M6PR: variants seen among roughly 807,000 people sequenced by gnomAD.
M6PR encodes the protein mannose-6-phosphate receptor, cation dependent, also known as cation-dependent mannose-6-phosphate receptor.
Under a neutral mutation model 33.1 loss-of-function variants are expected in M6PR, and 19 were observed. The observed-to-expected ratio is 0.57, with a 90% CI of 0.40 to 0.84. The LOEUF is 0.84. Among genes scored for constraint, M6PR ranks in the 40% least tolerant of loss-of-function variants. The probability of loss-of-function intolerance (pLI) is 0.00; values close to 1 mark genes in which losing one functional copy is unlikely to be tolerated. For synonymous variants in M6PR, 111 were observed against 123.4 expected (o/e 0.90, Z 0.67); for missense variants, 295 against 336.0 (o/e 0.88, Z 0.95).
intron 1 of M6PR, among the ~76,000 whole-genome samples, chr12:8,948,458 G>A (rs1946136153): frequency 6.6e-6 from 1 of 152,162 alleles, no homozygotes; most frequent in Non-Finnish European, 1.5e-5. Flanking sequence ...CAATTTAGAC[G>A]ATTCGTGGCA....
At chr12:8,945,628 A>G in intron 2 of M6PR, 44 bp from the exon 3 acceptor site, 1 of 1,553,136 alleles carries the variant, frequency 6.4e-7, no homozygotes, top group Non-Finnish European at 8.8e-7. Flanking sequence ...GTTACTAGCT[A>G]TCAGCCTCAG....
At chr12:8,947,143 T>C (rs1946105713) in intron 1 of M6PR, among the ~76,000 whole-genome samples, 1 of 152,236 alleles carries the variant, frequency 6.6e-6, no homozygotes, top group Non-Finnish European at 1.5e-5. Flanking sequence ...GACAATTTCC[T>C]GATTTAACTC....
intron 2 of M6PR, 92 bp from the exon 3 acceptor site, chr12:8,945,676 A>C: frequency 1.0e-6 from 1 of 977,838 alleles, no homozygotes; most frequent in Non-Finnish European, 1.5e-6. Flanking sequence ...AAACAAAACA[A>C]ACAACATGCT....
chr12:8,942,169 CAGATTT>C (rs1188072590), intron 6 of M6PR: 1 of 689,000 alleles, frequency 1.5e-6, no homozygotes, highest in East Asian at 2.7e-5. Flanking sequence ...AAAGCTAAAT[CAGATTT>C]AGAAGAGCCC....
chr12:8,945,215 T>A, intron 3 of M6PR: 1 of 512,710 alleles, frequency 2.0e-6, no homozygotes, highest in South Asian at 2.9e-5. Context: ...TTTTCACTGA[T>A]TTTAATGCAC....
intron 6 of M6PR, 129 bp from the exon 7 acceptor site, chr12:8,942,069 T>G: frequency 9.5e-7 from 1 of 1,056,556 alleles, no homozygotes; most frequent in Middle Eastern, 2.1e-4. Flanking sequence ...ACCTAAAAGA[T>G]CTGACAATCA....
In M6PR at chr12:8,945,543, T is replaced by C. The variant is rs1005693985; in HGVS notation, c.218A>G (p.Tyr73Cys). 1 of 1,613,940 alleles carries C rather than the reference T, an allele frequency of 6.2e-7. No homozygotes were observed. Among genetic ancestry groups the C allele is most frequent in the Non-Finnish European group, 8.5e-7 (1 of 1,179,890 alleles). Residue 73 changes from tyrosine to cysteine, a missense_variant, in exon 3 of 7, where the codon TAC (tyrosine) becomes TGC (cysteine). By Grantham distance (194) the Tyr-to-Cys change is radical. Transcript: ENST00000000412. ...AGCTTCCCGGCACACCCTGAAGATG[T>C]AGATGTATGTGTCTGAACCCTGGCC... Reference protein sequence around the residue: ...TVGQGSDTYIYIFRVCREAGN... With the variant: ...TVGQGSDTYICIFRVCREAGN...
At chr12:8,946,203 A>G in intron 2 of M6PR, 26 bp downstream of exon 2, 2 of 1,591,090 alleles carry the variant, frequency 1.3e-6, no homozygotes, top group East Asian at 2.2e-5. Context: ...TATTTTCTCA[A>G]GCTCTTTAAG....
At chr12:8,944,840 A>C (rs1479949651) in intron 3 of M6PR, among the ~76,000 whole-genome samples, 1 of 152,162 alleles carries the variant, frequency 6.6e-6, no homozygotes, top group East Asian at 1.9e-4. Context: ...TATTTGGGTG[A>C]ATAAAAGGAC....
At chr12:8,944,289 C>T (rs1166397136) in intron 3 of M6PR, among the ~76,000 whole-genome samples, 1 of 152,192 alleles carries the variant, frequency 6.6e-6, no homozygotes, top group Non-Finnish European at 1.5e-5. Context: ...AAGATTTCAA[C>T]TTAGCCCCAG....
intron 1 of M6PR, 33 bp from the exon 2 acceptor site, chr12:8,946,438 G>C: frequency 6.3e-7 from 1 of 1,576,160 alleles, no homozygotes; most frequent in Non-Finnish European, 8.7e-7. Context: ...GGGAGGGCAG[G>C]TAGGATCAGG....
In M6PR at chr12:8,945,381, G is replaced by C. The variant is rs201991932; in HGVS notation, c.343+37C>G. 1.9e-6 allele frequency: 3 copies of C among 1,604,466 alleles called. No homozygotes were observed. The East Asian group carries it at 6.7e-5, about 36-fold the overall frequency. On this transcript the variant is annotated intron_variant, in intron 3 of 6. Coordinates refer to ENST00000000412, the MANE Select transcript of M6PR (RefSeq NM_002355.4). The stretch of plus-strand genomic sequence containing the variant: ...TGTCAGAGGGATTGACTTGGGATCA[G>C]TTAGTCAATCGATGGTAGGAAGGGG...
intron 3 of M6PR, among the ~76,000 whole-genome samples, chr12:8,944,915 C>T (rs756811402): frequency 1.4e-4 from 22 of 152,048 alleles, no homozygotes; most frequent in Non-Finnish European, 1.5e-4. Context: ...AATCCCAGCA[C>T]CTTGGGAGGC....
intron 5 of M6PR, among the ~76,000 whole-genome samples, chr12:8,942,922 A>G (rs1326365258): frequency 6.6e-6 from 1 of 151,646 alleles, no homozygotes; most frequent in African/African-American, 2.4e-5. Context: ...TAAACATTAA[A>G]TCTCATTTTT....
chr12:8,943,720 G>T, intron 4 of M6PR, 81 bp downstream of exon 4: 3 of 1,368,814 alleles, frequency 2.2e-6, no homozygotes, highest in Non-Finnish European at 3.1e-6. Context: ...AACGTATCGT[G>T]TCCCCTCTGG....
rs1200111919 is a variant in M6PR, at chr12:8,943,404, C to T, written c.584+1G>A. ...GTTCTGATAAAGGAAGGCATACTCACGTGACAAGTAAGATGGAACCCACAC... is the reference window on the plus strand; with the variant it reads ...GTTCTGATAAAGGAAGGCATACTCATGTGACAAGTAAGATGGAACCCACAC... On this transcript the variant is annotated splice_donor_variant, in intron 5 of 6. Coordinates refer to ENST00000000412, the MANE Select transcript of M6PR (RefSeq NM_002355.4). LOFTEE classifies it high-confidence loss of function. The T allele has an allele frequency of 3.7e-6, 6 of 1,614,108 alleles. No individual in the cohort carries two copies. The highest frequency in any genetic ancestry group is 2.2e-5 in the East Asian group (1 of 44,884).
At position 8,949,358 on chromosome 12, in the gene M6PR, C is replaced by T. The variant is rs903548391; in HGVS notation, c.-2+130G>A. 3 of 152,252 alleles carry T rather than the reference C, an allele frequency of 2.0e-5. No individual in the cohort carries two copies. Among genetic ancestry groups the T allele is most frequent in the Non-Finnish European group, 2.9e-5 (2 of 68,186 alleles). The allele number at this position is 152,252 out of a possible 1,614,324, so 9.4% of individuals were successfully genotyped here. On this transcript the variant is annotated intron_variant, in intron 1 of 6. Transcript: ENST00000000412. The surrounding 1 kb of genome is among the most constrained non-coding windows in gnomAD (Gnocchi z 5.6). ...CTCATGCCTCCGCCTCCATTCTACC[C>T]TTAGGGCTCCTCAGCCAGATCTTTG...
intron 3 of M6PR, 64 bp from the exon 4 acceptor site, chr12:8,943,974 T>A: frequency 9.6e-7 from 1 of 1,046,010 alleles, no homozygotes; most frequent in Non-Finnish European, 1.5e-6. Flanking sequence ...ATCTGGGTGG[T>A]ATGGCAGAGT....
intron 2 of M6PR, 58 bp downstream of exon 2, chr12:8,946,168 TAAG>T (rs1946090037): frequency 3.3e-6 from 5 of 1,497,764 alleles, no homozygotes; most frequent in Admixed American, 1.9e-5. Flanking sequence ...ATAAAATCAG[TAAG>T]AAGAAAAGAC....
Sources: allele counts gnomAD v4.1 joint callset (sites outside exome capture counted in the v4.1 genomes callset), GRCh38; gene constraint gnomAD v4.1.1; non-coding constraint Gnocchi (gnomAD v3.1); transcripts MANE v1.5; gene names NCBI Gene and HGNC (gene_info 2026-07-23, HGNC 2026-07-21).